The following SBNO2 variants were observed in gnomAD, a reference collection of about 807,000 sequenced individuals.
SBNO2 encodes the protein strawberry notch homolog 2.
SBNO2 carries 89 observed loss-of-function variants against 146.3 expected under a neutral mutation model. The observed-to-expected ratio is 0.61, with a 90% CI of 0.51 to 0.73. The LOEUF (loss-of-function observed/expected upper bound fraction) is 0.73, where lower values mean the gene tolerates loss of function less well. Among genes scored for constraint, SBNO2 ranks in the 30% least tolerant of loss-of-function variants. The pLI is 0.00. For synonymous variants in SBNO2, 1,147 were observed against 892.6 expected (o/e 1.29, Z -5.08); for missense variants, 2,092 against 2,003.7 (o/e 1.04, Z -0.84).
intron 1 of SBNO2, among the ~76,000 whole-genome samples, chr19:1,166,350 G>C (rs1173576947): frequency 1.3e-5 from 2 of 152,172 alleles, no homozygotes; most frequent in African/African-American, 4.8e-5. Flanking sequence ...CTCCAAAGCA[G>C]GGTCCCCATG....
At chr19:1,165,795 G>A (rs142017834) in intron 1 of SBNO2, among the ~76,000 whole-genome samples, 778 of 7,954 alleles carry the variant, frequency 0.098, 159 homozygotes, top group East Asian at 0.22. Context: ...CCAGACCCCA[G>A]ACCCCAGATC....
chr19:1,119,875 G>A (rs1413101248), intron 12 of SBNO2, 31 bp downstream of exon 12: 1 of 1,477,248 alleles, frequency 6.8e-7, no homozygotes, highest in Non-Finnish European at 9.2e-7. Context: ...CGCTGCTGCG[G>A]GTGGGTCACG....
intron 1 of SBNO2, among the ~76,000 whole-genome samples, chr19:1,161,815 G>A (rs995274960): frequency 6.6e-6 from 1 of 151,258 alleles, no homozygotes; most frequent in Non-Finnish European, 1.5e-5. Context: ...GGTGGTGGGT[G>A]TCATGGCTCT....
intron 1 of SBNO2, among the ~76,000 whole-genome samples, chr19:1,171,238 A>G (rs1321880495): frequency 6.6e-6 from 1 of 152,018 alleles, no homozygotes; most frequent in African/African-American, 2.4e-5. Flanking sequence ...CACACAACGC[A>G]CCCACATCCG....
chr19:1,153,884 G>A (rs2080264446), intron 2 of SBNO2, among the ~76,000 whole-genome samples: 2 of 152,212 alleles, frequency 1.3e-5, no homozygotes, highest in Admixed American at 6.5e-5. Flanking sequence ...TACAAGTAAA[G>A]TTGAGCCCCC....
At chr19:1,120,484 A>T (rs1050078310) in intron 11 of SBNO2, among the ~76,000 whole-genome samples, 1 of 152,160 alleles carries the variant, frequency 6.6e-6, no homozygotes, top group Non-Finnish European at 1.5e-5. Flanking sequence ...CTCCTGCTTC[A>T]GCCTCCCAAG....
chr19:1,132,163 C>T, intron 4 of SBNO2: 1 of 1,452,120 alleles, frequency 6.9e-7, no homozygotes, highest in Non-Finnish European at 9.0e-7. Flanking sequence ...GCCAGGGGTC[C>T]CCCAGGAAGC....
intron 15 of SBNO2, 95 bp downstream of exon 15, chr19:1,117,228 C>G (rs767897046): frequency 2.3e-6 from 3 of 1,277,138 alleles, no homozygotes; most frequent in Non-Finnish European, 3.2e-6. Context: ...CCCCCGCCCA[C>G]GTCTGGGGAG....
At chr19:1,139,415 G>A (rs759398610) in intron 4 of SBNO2, among the ~76,000 whole-genome samples, 1 of 152,144 alleles carries the variant, frequency 6.6e-6, no homozygotes, top group African/African-American at 2.4e-5. Flanking sequence ...ACATGGTGAT[G>A]GCTGAACAGC....
At chr19:1,119,816 T>C in intron 12 of SBNO2, 90 bp downstream of exon 12, 1 of 1,073,418 alleles carries the variant, frequency 9.3e-7, no homozygotes, top group Non-Finnish European at 1.4e-6. Context: ...AGACGGAGGC[T>C]GAGTACGCGT....
In SBNO2 at chr19:1,158,797, A is replaced by AC. The variant is rs1160961766; in HGVS notation, c.-126-4396dup. Among the ~76,000 whole-genome samples the AC allele has an allele frequency of 3.3e-5, 5 of 151,990 alleles. No individual in the cohort carries two copies. In the East Asian group the frequency reaches 9.7e-4, roughly 29 times the overall value. On this transcript the variant is annotated intron_variant, in intron 1 of 31. Transcript: ENST00000361757. This position sits in a 1 kb window ranked among gnomAD's most constrained non-coding sequence, Gnocchi z 9.9. ...GAGCAGGCCCCCGGGTGTCCCGGGAACCCCGCACAGAGCCACGGCCATAAG... is the reference window on the plus strand; with the variant it reads ...GAGCAGGCCCCCGGGTGTCCCGGGAACCCCCGCACAGAGCCACGGCCATAAG...
rs879660847 is a variant in SBNO2 at position 1,126,269 on chromosome 19, C to CT, written c.441+1334dup. On this transcript the variant is annotated intron_variant, in intron 5 of 31. Coordinates refer to ENST00000361757, the MANE Select transcript of SBNO2 (RefSeq NM_014963.3). The surrounding 1 kb of genome is among the most constrained non-coding windows in gnomAD (Gnocchi z 4.4). Reference sequence around the variant, plus strand: ...GAAACCTATACTCAGTTGCCCTCTCCTTTTTTTTTTAAGTTAACAAAACAC... The same window carrying CT: ...GAAACCTATACTCAGTTGCCCTCTCCTTTTTTTTTTTAAGTTAACAAAACAC... 4.7e-5 allele frequency among the ~76,000 whole-genome samples: 7 copies of CT among 148,802 alleles called. No homozygotes were observed. The highest frequency in any genetic ancestry group is 6.7e-5 in the Admixed American group (1 of 14,934).
At chr19:1,167,268 G>C (rs1295691949) in intron 1 of SBNO2, among the ~76,000 whole-genome samples, 1 of 152,266 alleles carries the variant, frequency 6.6e-6, no homozygotes, top group Non-Finnish European at 1.5e-5. Context: ...AGTGCGGCCT[G>C]ATCCACCTTC....
At chr19:1,135,082 C>T (rs575190199) in intron 4 of SBNO2, among the ~76,000 whole-genome samples, 3 of 143,414 alleles carry the variant, frequency 2.1e-5, no homozygotes, top group East Asian at 4.2e-4. Flanking sequence ...TGGATTTGGC[C>T]GAGCGTAGTG....
At position 1,150,510 on chromosome 19, in the gene SBNO2, C is replaced by A. The variant is rs2080232651; in HGVS notation, c.94-1068G>T. On this transcript the variant is annotated intron_variant, in intron 2 of 31. Transcript: ENST00000361757. The surrounding 1 kb of genome is among the most constrained non-coding windows in gnomAD (Gnocchi z 6.2). ...CCCACGGTCACGGGGGAGACCCTGC[C>A]GTCACGGACGCCCCCACGGTCACGG... Among the ~76,000 whole-genome samples, 1 of 151,808 alleles carries A rather than the reference C, an allele frequency of 6.6e-6. No homozygotes were observed. The highest frequency in any genetic ancestry group is 1.5e-5 in the Non-Finnish European group (1 of 67,876).
chr19:1,113,027 C>T (rs1599825823), intron 19 of SBNO2, 78 bp from the exon 20 acceptor site: 1 of 1,481,080 alleles, frequency 6.8e-7, no homozygotes, highest in Non-Finnish European at 9.0e-7. Context: ...TCTCAGCTTC[C>T]CTATGTCCTA....
rs2079932908 is a variant in SBNO2, at chr19:1,123,732, G to A, written c.523-93C>T. Reference sequence around the variant, plus strand: ...GGGGCAGGGGCCAGGCTGACCATGGGCAGCTGAGTGACCCAGGGGTGGGAG... The same window carrying A: ...GGGGCAGGGGCCAGGCTGACCATGGACAGCTGAGTGACCCAGGGGTGGGAG... On this transcript the variant is annotated intron_variant, in intron 6 of 31. Coordinates refer to ENST00000361757, the MANE Select transcript of SBNO2 (RefSeq NM_014963.3). 3 of 1,295,438 alleles carry A rather than the reference G, an allele frequency of 2.3e-6. No homozygotes were observed. The Admixed American group carries it at 6.3e-5, about 27-fold the overall frequency. 80.2% of individuals were successfully genotyped at this position (1,295,438 alleles called of 1,614,324 possible).
intron 4 of SBNO2, 110 bp from the exon 5 acceptor site, chr19:1,127,875 C>T (rs973879730): frequency 9.7e-7 from 1 of 1,025,716 alleles, no homozygotes; most frequent in Non-Finnish European, 1.5e-6. Flanking sequence ...CACACTGGAG[C>T]ATGTGGGAAT....
Position 1,174,230 on chromosome 19 carries a change from A to C in SBNO2, c.-185T>G, listed in dbSNP as rs1356019661. Reference sequence around the variant, plus strand: ...CGGCGCCTGTTTCTCCGAGCCTCGCAGCTGCCGCCGCTCACTTCCGGGTTT... The same window carrying C: ...CGGCGCCTGTTTCTCCGAGCCTCGCCGCTGCCGCCGCTCACTTCCGGGTTT... On this transcript the variant is annotated 5_prime_UTR_variant, in exon 1 of 32. Transcript: ENST00000361757. 6.6e-6 allele frequency: 1 copy of C among 151,634 alleles called. No individual in the cohort carries two copies. The highest frequency in any genetic ancestry group is 2.4e-5 in the African/African-American group (1 of 41,216). 9.4% of individuals were successfully genotyped at this position (151,634 alleles called of 1,614,324 possible).
Sources: gnomAD v4.1 joint callset for allele counts (sites outside exome capture counted in the v4.1 genomes callset) on GRCh38, gnomAD v4.1.1 for gene constraint, Gnocchi (gnomAD v3.1) non-coding constraint, MANE v1.5 for transcripts, NCBI Gene and HGNC (gene_info 2026-07-23, HGNC 2026-07-21) for gene names.